The following CADM2 variants were observed in gnomAD, a reference collection of about 807,000 sequenced individuals.
The protein encoded by CADM2 is immunoglobulin superfamily member 4D.
Under a neutral mutation model 49.8 loss-of-function variants are expected in CADM2, and 12 were observed. The ratio of observed to expected loss-of-function variants is 0.24; its 90% CI spans 0.15 to 0.39. The LOEUF is 0.39. Ranked by LOEUF, CADM2 falls within the 10% of genes least tolerant of loss-of-function variation. The pLI is 1.00. For missense variants in CADM2, 378 were observed against 492.3 expected, an observed-to-expected ratio of 0.77 and a Z score of 2.20; for synonymous variants, 214 against 175.4, an observed-to-expected ratio of 1.22 and a Z score of -1.74.
At chr3:85,687,769 GAT>G (rs937638952) in intron 1 of CADM2, among the ~76,000 whole-genome samples, 1 of 152,178 alleles carries the variant, frequency 6.6e-6, no homozygotes. Context: ...ACTATCCAGA[GAT>G]AGTTTTTTCT....
chr3:85,177,202 C>T (rs372637418), intron 1 of CADM2, among the ~76,000 whole-genome samples: 1 of 152,124 alleles, frequency 6.6e-6, no homozygotes, highest in Non-Finnish European at 1.5e-5. Flanking sequence ...GCAAATCCAT[C>T]TTCTCTAAAA....
At chr3:86,027,927 T>A (rs1734092005) in intron 8 of CADM2, 1 of 151,696 alleles carries the variant, frequency 6.6e-6, no homozygotes, top group Admixed American at 6.6e-5. Context: ...TAAGTATCTG[T>A]ATTGTCACAT....
intron 1 of CADM2, among the ~76,000 whole-genome samples, chr3:85,001,908 A>G (rs1340888131): frequency 1.3e-5 from 2 of 152,154 alleles, no homozygotes; most frequent in Non-Finnish European, 2.9e-5. Context: ...GCCTTCAAAT[A>G]TGTGATTAAT....
At chr3:85,472,034 G>C (rs1384738814) in intron 1 of CADM2, among the ~76,000 whole-genome samples, 2 of 151,790 alleles carry the variant, frequency 1.3e-5, no homozygotes, top group Non-Finnish European at 2.9e-5. Flanking sequence ...AGAGAACCTT[G>C]AAATATAACT....
At position 84,959,652 on chromosome 3, in the gene CADM2, C is replaced by T. The variant is rs371557162; in HGVS notation, c.45C>T (p.Cys15=). 2.0e-5 allele frequency: 30 copies of T among 1,537,072 alleles called. No homozygotes were observed. In the African/African-American group the frequency reaches 2.6e-4, roughly 13 times the overall value. The stretch of plus-strand genomic sequence containing the variant: ...CCGTTCTCCGCTTCTACAGTGTCTG[C>T]GGGCTCCTGCTACAAGGTAATCCCC... ...RSAVLRFYSV[C]GLLLQAAASK... is the part of the protein sequence containing the mutation. Residue 15 remains cysteine (C), a synonymous_variant, in exon 1 of 10, where the codon TGC becomes TGT. Coordinates refer to ENST00000383699, the MANE Select transcript of CADM2 (RefSeq NM_001167675.2).
chr3:85,152,417 T>C (rs1050272715), intron 1 of CADM2, among the ~76,000 whole-genome samples: 37 of 152,164 alleles, frequency 2.4e-4, no homozygotes, highest in Non-Finnish European at 5.4e-4. Flanking sequence ...CTTCTTACTG[T>C]GTCGGTGCTG....
At chr3:85,299,284 A>G (rs980082404) in intron 1 of CADM2, among the ~76,000 whole-genome samples, 5 of 152,094 alleles carry the variant, frequency 3.3e-5, no homozygotes, top group Non-Finnish European at 5.9e-5. Flanking sequence ...GCACCTATAA[A>G]TGTAAAACTG....
chr3:85,413,164 T>TAA (rs1164449868), intron 1 of CADM2, among the ~76,000 whole-genome samples: 2 of 76,816 alleles, frequency 2.6e-5, no homozygotes, highest in East Asian at 4.3e-4. Flanking sequence ...AAAAAAAAAA[T>TAA]AATAATAATA....
chr3:85,119,218 C>T (rs562791165), intron 1 of CADM2, among the ~76,000 whole-genome samples: 36 of 152,244 alleles, frequency 2.4e-4, no homozygotes, highest in African/African-American at 8.2e-4. Context: ...TCAAGACTAG[C>T]TTGGGCAACA....
At chr3:85,407,404 A>T (rs1264325083) in intron 1 of CADM2, among the ~76,000 whole-genome samples, 1 of 152,080 alleles carries the variant, frequency 6.6e-6, no homozygotes, top group African/African-American at 2.4e-5. Flanking sequence ...GGATTTTTGT[A>T]GATACCTCGT....
intron 1 of CADM2, among the ~76,000 whole-genome samples, chr3:85,472,707 T>G (rs953099583): frequency 6.6e-6 from 1 of 151,998 alleles, no homozygotes; most frequent in African/African-American, 2.4e-5. Flanking sequence ...CCTAGTCTGC[T>G]CCATTGGCTC....
chr3:85,487,295 C>T (rs1286797347), intron 1 of CADM2, among the ~76,000 whole-genome samples: 1 of 152,152 alleles, frequency 6.6e-6, no homozygotes, highest in East Asian at 1.9e-4. Flanking sequence ...GGGAGGGTGG[C>T]TTGAAGCCAG....
intron 1 of CADM2, among the ~76,000 whole-genome samples, chr3:85,652,998 C>T (rs753298789): frequency 6.6e-6 from 1 of 151,558 alleles, no homozygotes; most frequent in Non-Finnish European, 1.5e-5. Flanking sequence ...TGGTCTCCAA[C>T]TCCTGACCTC....
At chr3:85,178,369 G>T (rs923506718) in intron 1 of CADM2, among the ~76,000 whole-genome samples, 2 of 151,618 alleles carry the variant, frequency 1.3e-5, no homozygotes, top group South Asian at 4.1e-4. Context: ...AATATTATTT[G>T]GGATAAACCC....
chr3:85,944,591 T>C (rs866420850), intron 7 of CADM2, among the ~76,000 whole-genome samples: 18 of 151,966 alleles, frequency 1.2e-4, no homozygotes, highest in African/African-American at 4.1e-4. Flanking sequence ...CACAGTGCAG[T>C]CAAACTAGAA....
intron 1 of CADM2, among the ~76,000 whole-genome samples, chr3:85,218,817 G>A (rs1023824524): frequency 3.9e-5 from 6 of 152,042 alleles, no homozygotes; most frequent in Non-Finnish European, 4.4e-5. Flanking sequence ...ATAAAATTGT[G>A]TGCATTTATG....
intron 5 of CADM2, among the ~76,000 whole-genome samples, chr3:85,901,855 A>G (rs531750487): frequency 5.1e-4 from 77 of 152,152 alleles, no homozygotes; most frequent in Non-Finnish European, 8.7e-4. Context: ...GTCTGTATAA[A>G]TTTGCCTACT....
chr3:85,724,470 C>CAAA (rs567994941), intron 1 of CADM2, among the ~76,000 whole-genome samples: 3 of 143,606 alleles, frequency 2.1e-5, no homozygotes, highest in African/African-American at 7.6e-5. Context: ...CTGTTGTTAG[C>CAAA]AAAAAAAAAA....
intron 1 of CADM2, among the ~76,000 whole-genome samples, chr3:85,032,444 G>A (rs937897482): frequency 6.6e-6 from 1 of 152,022 alleles, no homozygotes; most frequent in Non-Finnish European, 1.5e-5. Flanking sequence ...TACCACTAAA[G>A]ACACATGCAG....
Sources: gnomAD v4.1 joint callset for allele counts (sites outside exome capture counted in the v4.1 genomes callset) on GRCh38, gnomAD v4.1.1 for gene constraint, MANE v1.5 for transcripts, NCBI Gene and HGNC (gene_info 2026-07-23, HGNC 2026-07-21) for gene names.